CSMD1: variants seen among roughly 807,000 people sequenced by gnomAD.
CSMD1 encodes the protein CUB and Sushi multiple domains 1, also known as CUB and sushi domain-containing protein 1.
CSMD1 carries 213 observed loss-of-function variants against 417.5 expected under a neutral mutation model. That is an observed-to-expected ratio of 0.51 (90% CI 0.46 to 0.57). The LOEUF is 0.57. Among genes scored for constraint, CSMD1 ranks in the 20% least tolerant of loss-of-function variants. CSMD1 has a pLI of 0.00. For synonymous variants in CSMD1, 2,862 were observed against 1,736.8 expected (o/e 1.65, Z -16.11); for missense variants, 6,923 against 4,529.7 (o/e 1.53, Z -15.17).
chr8:4,736,609 TAAAAGGCAGG>T (rs1055129076), intron 1 of CSMD1, among the ~76,000 whole-genome samples: 11 of 152,158 alleles, frequency 7.2e-5, no homozygotes, highest in African/African-American at 2.7e-4. Flanking sequence ...GTACTGGAGC[TAAAAGGCAGG>T]GAAAGGCAGT....
At chr8:3,185,831 T>G (rs1035769275) in intron 36 of CSMD1, among the ~76,000 whole-genome samples, 6 of 152,174 alleles carry the variant, frequency 3.9e-5, no homozygotes, top group African/African-American at 1.4e-4. Context: ...TGAAGAAACT[T>G]AAATCTCTAC....
intron 4 of CSMD1, among the ~76,000 whole-genome samples, chr8:4,017,511 G>A (rs1183492545): frequency 2.0e-5 from 3 of 151,986 alleles, no homozygotes; most frequent in East Asian, 1.9e-4. Context: ...TCTCCATGTT[G>A]GTCAGGCTGG....
intron 23 of CSMD1, among the ~76,000 whole-genome samples, chr8:3,320,293 G>A (rs774497370): frequency 2.0e-5 from 3 of 152,060 alleles, no homozygotes; most frequent in East Asian, 1.9e-4. Context: ...ATTCTGTCCC[G>A]GACTCAGCCC....
intron 26 of CSMD1, among the ~76,000 whole-genome samples, chr8:3,239,650 A>T (rs1799367937): frequency 6.6e-6 from 1 of 152,204 alleles, no homozygotes; most frequent in South Asian, 2.1e-4. Flanking sequence ...ATAGATTTCT[A>T]TGATGGAAAG....
chr8:4,821,564 C>T (rs1476469946), intron 1 of CSMD1, among the ~76,000 whole-genome samples: 1 of 152,086 alleles, frequency 6.6e-6, no homozygotes, highest in Non-Finnish European at 1.5e-5. Context: ...TCATTGAAAT[C>T]CCCTAGTAAT....
At position 3,118,427 on chromosome 8, in the gene CSMD1, G is replaced by C. The variant is rs1433299944; in HGVS notation, c.6402C>G (p.Asn2134Lys). The change falls in exon 42 of 70, where the codon AAC becomes AAG. Residue 2134 changes from asparagine (N) to lysine (K), a missense_variant. By Grantham distance (94) the Asn-to-Lys change is moderately conservative. Coordinates refer to ENST00000635120, the MANE Select transcript of CSMD1 (RefSeq NM_033225.6). ...CACATCTTGGAAAAGGGTAGTTCCA[G>C]TTTCTGTTGATCCCATGCTGACAAG... ...VLTCQHGINR[N>K]WNYPFPRCDA... 1 of 1,613,506 alleles carries C rather than the reference G, an allele frequency of 6.2e-7. No homozygotes were observed. Among genetic ancestry groups the C allele is most frequent in the Non-Finnish European group, 8.5e-7 (1 of 1,179,752 alleles).
In CSMD1 at chr8:4,115,797, G is replaced by A. The variant is rs559543080; in HGVS notation, c.416-83698C>T. Among the ~76,000 whole-genome samples, 5 of 151,730 alleles carry A rather than the reference G, an allele frequency of 3.3e-5. No homozygotes were observed. The South Asian group carries it at 6.3e-4, about 19-fold the overall frequency. ...AAGCCATGAAAAGTCATGGTGGAATGTAAATCATATTTCTCAGTAAAAAAA... is the reference window on the plus strand; with the variant it reads ...AAGCCATGAAAAGTCATGGTGGAATATAAATCATATTTCTCAGTAAAAAAA... On this transcript the variant is annotated intron_variant, in intron 3 of 69. Transcript: ENST00000635120.
intron 3 of CSMD1, among the ~76,000 whole-genome samples, chr8:4,415,582 T>C (rs1796889530): frequency 6.6e-6 from 1 of 152,160 alleles, no homozygotes; most frequent in Non-Finnish European, 1.5e-5. Context: ...CAGTGTTCTG[T>C]TTGATTGTTT....
At chr8:3,539,748 G>C (rs1228208444) in intron 10 of CSMD1, among the ~76,000 whole-genome samples, 3 of 134,884 alleles carry the variant, frequency 2.2e-5, no homozygotes, top group Non-Finnish European at 4.7e-5. Flanking sequence ...AGAATCTCTA[G>C]CCCTTTCTTT....
chr8:3,556,557 C>CTCTCTG (rs1554468427), intron 10 of CSMD1, among the ~76,000 whole-genome samples: 2 of 149,860 alleles, frequency 1.3e-5, no homozygotes, highest in African/African-American at 5.0e-5. Flanking sequence ...CACACCCTCT[C>CTCTCTG]TCTCTTTCAG....
chr8:3,944,142 G>T (rs1170417388), intron 5 of CSMD1, among the ~76,000 whole-genome samples: 5 of 152,076 alleles, frequency 3.3e-5, no homozygotes, highest in Admixed American at 2.0e-4. Flanking sequence ...CTTAGTGAAG[G>T]CTACACAGAA....
intron 50 of CSMD1, among the ~76,000 whole-genome samples, chr8:3,041,968 C>G (rs552725150): frequency 5.3e-5 from 8 of 152,252 alleles, no homozygotes; most frequent in African/African-American, 1.9e-4. Flanking sequence ...TATTGGCCAC[C>G]CTTCATCTCT....
intron 3 of CSMD1, among the ~76,000 whole-genome samples, chr8:4,163,048 G>C (rs939286485): frequency 6.6e-6 from 1 of 152,150 alleles, no homozygotes; most frequent in Admixed American, 6.5e-5. Flanking sequence ...TTCACTCTAT[G>C]TCTTTGCATG....
In CSMD1 at chr8:4,623,571, G is replaced by C. The variant is rs148244820; in HGVS notation, c.302+13771C>G. Among the ~76,000 whole-genome samples the C allele has an allele frequency of 2.9e-3, 448 of 152,066 alleles. 5 individuals are homozygous for C. The highest frequency in any genetic ancestry group is 9.9e-3 in the African/African-American group (411 of 41,474). ...ATTTCTAATAGCTAAAAACAGGGGG[G>C]TGAGGGGGGAACAAATGTCTATTAG... On this transcript the variant is annotated intron_variant, in intron 2 of 69. Coordinates refer to ENST00000635120, the MANE Select transcript of CSMD1 (RefSeq NM_033225.6).
chr8:3,662,348 C>T (rs1318373314), intron 7 of CSMD1, among the ~76,000 whole-genome samples: 1 of 152,180 alleles, frequency 6.6e-6, no homozygotes, highest in East Asian at 1.9e-4. Context: ...AAATCTCTCT[C>T]TCCCCACTCC....
intron 7 of CSMD1, among the ~76,000 whole-genome samples, chr8:3,657,759 G>C (rs910955547): frequency 6.6e-6 from 1 of 152,038 alleles, no homozygotes; most frequent in Non-Finnish European, 1.5e-5. Context: ...ATGGGTTGAT[G>C]GGCACAGCAA....
At chr8:3,980,262 G>T (rs779853324) in intron 5 of CSMD1, among the ~76,000 whole-genome samples, 1 of 152,190 alleles carries the variant, frequency 6.6e-6, no homozygotes, top group Non-Finnish European at 1.5e-5. Context: ...TAGGGGAAAA[G>T]CTGAACTAGC....
At chr8:3,541,919 G>A (rs1034990661) in intron 10 of CSMD1, among the ~76,000 whole-genome samples, 5 of 152,176 alleles carry the variant, frequency 3.3e-5, no homozygotes, top group Admixed American at 2.6e-4. Context: ...AACATTAGCT[G>A]GGCGTGGTGG....
intron 2 of CSMD1, among the ~76,000 whole-genome samples, chr8:4,566,687 G>C (rs907078464): frequency 6.3e-5 from 9 of 142,638 alleles, no homozygotes; most frequent in South Asian, 2.3e-4. Context: ...AAGAAAGCTA[G>C]TTTTGGTATA....
Sources: allele counts gnomAD v4.1 joint callset (sites outside exome capture counted in the v4.1 genomes callset), GRCh38; gene constraint gnomAD v4.1.1; transcripts MANE v1.5; gene names NCBI Gene and HGNC (gene_info 2026-07-23, HGNC 2026-07-21).